Variants in SPATS2 observed in about 807,000 individuals in gnomAD.
SPATS2 encodes the protein spermatogenesis-associated serine-rich protein 2.
In SPATS2, 38 loss-of-function variants were observed where a neutral mutation model predicts 63.7. The observed-to-expected ratio is 0.60, with a 90% CI of 0.46 to 0.78. The LOEUF is 0.78. Ranked by LOEUF, SPATS2 falls within the 30% of genes least tolerant of loss-of-function variation. SPATS2 has a pLI of 0.00. For synonymous variants in SPATS2, 207 were observed against 232.9 expected, an observed-to-expected ratio of 0.89 and a Z score of 1.01; for missense variants, 588 against 666.2, an observed-to-expected ratio of 0.88 and a Z score of 1.29.
chr12:49,436,424 G>C (rs4523768), intron 2 of SPATS2, among the ~76,000 whole-genome samples: 39,408 of 118,324 alleles, frequency 0.33, 9,346 homozygotes, highest in African/African-American at 0.68. Flanking sequence ...CCCTCCCGGA[G>C]GGGGCGGCTG....
intron 3 of SPATS2, among the ~76,000 whole-genome samples, chr12:49,480,234 GCT>G (rs374024043): frequency 1.0e-3 from 152 of 152,236 alleles, no homozygotes; most frequent in African/African-American, 3.6e-3. Context: ...TTGGGCATAG[GCT>G]TTTCCATGAT....
At chr12:49,371,742 A>G (rs1322512991) in intron 2 of SPATS2, among the ~76,000 whole-genome samples, 2 of 152,038 alleles carry the variant, frequency 1.3e-5, no homozygotes, top group Non-Finnish European at 2.9e-5. Flanking sequence ...GAGCAGGAGG[A>G]AGAGAGAGAG....
chr12:49,413,971 C>T (rs1944843100), intron 2 of SPATS2, among the ~76,000 whole-genome samples: 1 of 152,174 alleles, frequency 6.6e-6, no homozygotes, highest in Admixed American at 6.5e-5. Flanking sequence ...TTGGAGGGAT[C>T]AGCCCTACTG....
At chr12:49,429,556 C>T (rs1945141971) in intron 2 of SPATS2, among the ~76,000 whole-genome samples, 1 of 152,066 alleles carries the variant, frequency 6.6e-6, no homozygotes, top group Non-Finnish European at 1.5e-5. Context: ...AGCGATTCTC[C>T]TGCCTCAGCC....
chr12:49,374,432 C>G (rs1944057120), intron 2 of SPATS2, among the ~76,000 whole-genome samples: 1 of 152,152 alleles, frequency 6.6e-6, no homozygotes, highest in South Asian at 2.1e-4. Flanking sequence ...GCCCAGCTCA[C>G]TTTATTATCT....
At chr12:49,449,790 T>A (rs1287124051) in intron 2 of SPATS2, among the ~76,000 whole-genome samples, 1 of 152,216 alleles carries the variant, frequency 6.6e-6, no homozygotes, top group African/African-American at 2.4e-5. Context: ...AACTGCCCCA[T>A]GATTCAGTTA....
At chr12:49,436,550 G>T (rs1296940495) in intron 2 of SPATS2, among the ~76,000 whole-genome samples, 2 of 123,472 alleles carry the variant, frequency 1.6e-5, no homozygotes, top group Non-Finnish European at 3.7e-5. Context: ...TCCTGGCCGG[G>T]CGGGGGGCTG....
chr12:49,495,497 G>A (rs1377470388), intron 7 of SPATS2, among the ~76,000 whole-genome samples: 1 of 151,996 alleles, frequency 6.6e-6, no homozygotes, highest in Non-Finnish European at 1.5e-5. Flanking sequence ...GCGCCTGGCT[G>A]AAAAAATACA....
intron 2 of SPATS2, among the ~76,000 whole-genome samples, chr12:49,396,993 T>A (rs1944523440): frequency 6.6e-6 from 1 of 152,236 alleles, no homozygotes; most frequent in African/African-American, 2.4e-5. Flanking sequence ...TTTTAGTGCC[T>A]GTGTTTTTAG....
intron 2 of SPATS2, among the ~76,000 whole-genome samples, chr12:49,443,730 G>T (rs1340294943): frequency 1.3e-5 from 2 of 152,100 alleles, no homozygotes; most frequent in Non-Finnish European, 2.9e-5. Context: ...AATACTATTT[G>T]TTGAAAAGAC....
At chr12:49,485,143 G>T (rs1356170243) in intron 4 of SPATS2, among the ~76,000 whole-genome samples, 5 of 147,678 alleles carry the variant, frequency 3.4e-5, no homozygotes, top group Non-Finnish European at 7.4e-5. Context: ...TGGGCTCACT[G>T]CAAGCTCTGC....
At chr12:49,482,033 A>G (rs1853911797) in intron 3 of SPATS2, among the ~76,000 whole-genome samples, 1 of 152,232 alleles carries the variant, frequency 6.6e-6, no homozygotes, top group African/African-American at 2.4e-5. Context: ...TACTTTCTGT[A>G]TAATACTAAG....
intron 2 of SPATS2, among the ~76,000 whole-genome samples, chr12:49,402,050 C>T (rs1272759989): frequency 1.3e-5 from 2 of 152,236 alleles, no homozygotes; most frequent in Non-Finnish European, 2.9e-5. Flanking sequence ...AAACACGGCT[C>T]ATCGCAGCCT....
intron 2 of SPATS2, among the ~76,000 whole-genome samples, chr12:49,436,596 CG>C (rs1320054364): frequency 1.4e-4 from 18 of 133,220 alleles, no homozygotes; most frequent in African/African-American, 5.0e-4. Flanking sequence ...GGTGGCTGGC[CG>C]GGCCGGGGGC....
chr12:49,481,694 C>G (rs958581053), intron 3 of SPATS2, among the ~76,000 whole-genome samples: 1 of 151,792 alleles, frequency 6.6e-6, no homozygotes, highest in African/African-American at 2.4e-5. Flanking sequence ...AACTCCTTAC[C>G]TCAAGTGATC....
chr12:49,418,081 T>C (rs751735587), intron 2 of SPATS2, among the ~76,000 whole-genome samples: 23 of 150,932 alleles, frequency 1.5e-4, no homozygotes, highest in Non-Finnish European at 2.7e-4. Flanking sequence ...GGGGTTTCAC[T>C]GTGTAGCTTT....
intron 1 of SPATS2, among the ~76,000 whole-genome samples, chr12:49,368,649 C>T (rs1943945735): frequency 6.6e-6 from 1 of 152,138 alleles, no homozygotes; most frequent in Non-Finnish European, 1.5e-5. Context: ...AATAGGCTGC[C>T]TCATACCTTC....
chr12:49,402,042 A>T (rs1251551051), intron 2 of SPATS2, among the ~76,000 whole-genome samples: 3 of 152,160 alleles, frequency 2.0e-5, no homozygotes, highest in Non-Finnish European at 4.4e-5. Context: ...AGTGGTGCAA[A>T]CACGGCTCAT....
At chr12:49,453,880 T>TG (rs1945670890) in intron 2 of SPATS2, among the ~76,000 whole-genome samples, 1 of 139,866 alleles carries the variant, frequency 7.1e-6, no homozygotes, top group Non-Finnish European at 1.5e-5. Flanking sequence ...TTTTTTTTTT[T>TG]GAGACGGAGT....
Sources: allele counts gnomAD v4.1 joint callset (sites outside exome capture counted in the v4.1 genomes callset), GRCh38; gene constraint gnomAD v4.1.1; transcripts MANE v1.5; gene names NCBI Gene and HGNC (gene_info 2026-07-23, HGNC 2026-07-21).